Variants in OMA1 observed in about 807,000 individuals in gnomAD.
OMA1 encodes OMA1 zinc metallopeptidase, also known as metalloendopeptidase OMA1, mitochondrial.
Under a neutral mutation model 30.9 loss-of-function variants are expected in OMA1, and 38 were observed. The ratio of observed to expected loss-of-function variants is 1.23; its 90% CI spans 0.95 to 1.61. OMA1 has a LOEUF of 1.61. OMA1 is among the 40% of genes most tolerant of loss of function. The probability of loss-of-function intolerance (pLI) is 0.00; values close to 1 mark genes in which losing one functional copy is unlikely to be tolerated. For missense variants in OMA1, 461 were observed against 349.2 expected, an observed-to-expected ratio of 1.32 and a Z score of -2.55; for synonymous variants, 173 against 121.9, an observed-to-expected ratio of 1.42 and a Z score of -2.76.
chr1:58,510,430 C>T (rs747316249), intron 7 of OMA1, among the ~76,000 whole-genome samples: 44 of 152,006 alleles, frequency 2.9e-4, no homozygotes, highest in Non-Finnish European at 3.8e-4. Flanking sequence ...AACATCCTTT[C>T]ATAATAAAAA....
At chr1:58,513,561 A>C (rs1185187079) in intron 7 of OMA1, among the ~76,000 whole-genome samples, 1 of 152,230 alleles carries the variant, frequency 6.6e-6, no homozygotes, top group Non-Finnish European at 1.5e-5. Context: ...TGGCCAGAGA[A>C]ACATAAGAAA....
chr1:58,536,608 T>C lies in OMA1; in HGVS notation c.634A>G (p.Thr212Ala). The part of the protein sequence containing the change: ...FGLLFVVFYF[T>A]HLEVSPITGR... ...GTGATTGGACTTACTTCCAGGTGAG[T>C]AAAATAAAACACCACAAAGAGCAAT... The change falls in exon 3 of 9, where the codon ACT (threonine) becomes GCT (alanine). Residue 212 changes from threonine to alanine, a missense_variant. Coordinates refer to ENST00000371226, the MANE Select transcript of OMA1 (RefSeq NM_145243.5). 1.1e-6 allele frequency: 1 copy of C among 872,790 alleles called. No homozygotes were observed. 54.1% of individuals were successfully genotyped at this position (872,790 alleles called of 1,614,324 possible). A position where few individuals can be genotyped will look rare whatever the true frequency, so the allele number is the denominator to read the frequency against.
intron 7 of OMA1, among the ~76,000 whole-genome samples, chr1:58,513,343 T>C (rs981603321): frequency 6.6e-6 from 1 of 152,184 alleles, no homozygotes; most frequent in Non-Finnish European, 1.5e-5. Flanking sequence ...TTAAACCTCT[T>C]TCCTTTATAA....
chr1:58,492,889 A>T (rs936716913), intron 8 of OMA1, among the ~76,000 whole-genome samples: 3 of 152,344 alleles, frequency 2.0e-5, no homozygotes, highest in African/African-American at 7.2e-5. Context: ...CAACAGAAAA[A>T]GAGAGAATCC....
At chr1:58,531,693 T>C (rs966499981) in intron 5 of OMA1, among the ~76,000 whole-genome samples, 2 of 140,490 alleles carry the variant, frequency 1.4e-5, no homozygotes, top group African/African-American at 2.6e-5. Flanking sequence ...AATGTGTGTT[T>C]TGAAAAACAA....
chr1:58,490,979 T>C (rs1244183344), intron 8 of OMA1, among the ~76,000 whole-genome samples: 7 of 151,708 alleles, frequency 4.6e-5, no homozygotes, highest in African/African-American at 1.5e-4. Context: ...CTAAATTTTT[T>C]TGTATTTTTA....
chr1:58,544,074 A>G (rs977423403), intron 1 of OMA1, among the ~76,000 whole-genome samples: 1 of 152,220 alleles, frequency 6.6e-6, no homozygotes, highest in East Asian at 1.9e-4. Flanking sequence ...CATCTAAAGG[A>G]GGTGCAAACA....
At chr1:58,507,549 T>C (rs1041500272) in intron 7 of OMA1, among the ~76,000 whole-genome samples, 3 of 152,034 alleles carry the variant, frequency 2.0e-5, no homozygotes, top group Non-Finnish European at 4.4e-5. Flanking sequence ...TTCAAGGTAC[T>C]TTATACACTA....
intron 2 of OMA1, among the ~76,000 whole-genome samples, chr1:58,537,895 A>T (rs1368433703): frequency 1.3e-5 from 2 of 152,240 alleles, no homozygotes; most frequent in Admixed American, 1.3e-4. Flanking sequence ...CAAAAACAAG[A>T]AAGTTACAAA....
At chr1:58,528,534 T>C (rs1646385702) in intron 6 of OMA1, among the ~76,000 whole-genome samples, 1 of 152,200 alleles carries the variant, frequency 6.6e-6, no homozygotes, top group Non-Finnish European at 1.5e-5. Context: ...TGTTTGGAAA[T>C]ATTTATTACT....
At position 58,534,000 on chromosome 1, in the gene OMA1, A is replaced by C. The variant is rs1557457072; in HGVS notation, c.964T>G (p.Ser322Ala). 2.3e-6 allele frequency: 2 copies of C among 871,876 alleles called. No individual in the cohort carries two copies. 54.0% of individuals were successfully genotyped at this position (871,876 alleles called of 1,614,324 possible). The change falls in exon 5 of 9, where the codon TCT (serine) becomes GCT (alanine). Residue 322 changes from serine (S) to alanine (A), a missense_variant. Transcript: ENST00000371226. ...GCTATTTCATGGCCCAGAAGGAAAG[A>C]AAGTTGATGAATATCGGTTACACTA... is the stretch of plus-strand genomic sequence containing the variant. ...LNSVTDIHQL[S>A]FLLGHEIAHA...
At chr1:58,512,945 G>A (rs1238031454) in intron 7 of OMA1, among the ~76,000 whole-genome samples, 1 of 152,004 alleles carries the variant, frequency 6.6e-6, no homozygotes, top group South Asian at 2.1e-4. Context: ...CAAAATAAAG[G>A]CATTTTTAAA....
intron 1 of OMA1, chr1:58,542,398 G>A (rs1418308130): frequency 6.6e-6 from 1 of 152,198 alleles, no homozygotes; most frequent in Non-Finnish European, 1.5e-5. Context: ...CTCTCATGGA[G>A]GTTATAATCT....
rs558587012 is a variant in OMA1 at position 58,485,653 on chromosome 1, T to G, written c.1366-4479A>C. On this transcript the variant is annotated intron_variant, in intron 8 of 8. Coordinates refer to ENST00000371226, the MANE Select transcript of OMA1 (RefSeq NM_145243.5). ...CATTTTATATATTTCAGGGCGCCAA[T>G]GTCTTTTTATTTTTATAAATTCTAA... is the stretch of plus-strand genomic sequence containing the variant. Among the ~76,000 whole-genome samples the G allele has an allele frequency of 2.6e-5, 4 of 152,236 alleles. No homozygotes were observed. In the East Asian group the frequency reaches 7.7e-4, roughly 29 times the overall value.
rs776655934 is a variant in OMA1 at position 58,538,946 on chromosome 1, G to C, written c.349C>G (p.Pro117Ala). 1.1e-6 allele frequency: 1 copy of C among 872,804 alleles called. No individual in the cohort carries two copies. Among genetic ancestry groups the C allele is most frequent in the South Asian group, 1.3e-5 (1 of 76,524 alleles). 54.1% of individuals were successfully genotyped at this position (872,804 alleles called of 1,614,324 possible). Residue 117 changes from proline to alanine, a missense_variant, in exon 2 of 9, where the codon CCT becomes GCT. By Grantham distance (27) the Pro-to-Ala change is conservative. Transcript: ENST00000371226. ...QLLIKEVTAV[P>A]SLSVLHPLSP... ...AGAGGATGCAATACTGACAGACTAG[G>C]GACTGCTGTAACTTCTTTTATTAGC...
At chr1:58,518,352 A>G (rs1004441526) in intron 7 of OMA1, among the ~76,000 whole-genome samples, 2 of 49,640 alleles carry the variant, frequency 4.0e-5, no homozygotes, top group Non-Finnish European at 1.0e-4. Flanking sequence ...AGAGAAGAGA[A>G]GGGAAGGGAA....
intron 7 of OMA1, among the ~76,000 whole-genome samples, chr1:58,518,368 G>A (rs970929805): frequency 1.4e-5 from 2 of 147,480 alleles, no homozygotes; most frequent in African/African-American, 5.1e-5. Flanking sequence ...GGGAAGAGAA[G>A]AGAAGGGAAG....
intron 7 of OMA1, among the ~76,000 whole-genome samples, chr1:58,521,717 T>C (rs976670861): frequency 6.6e-6 from 1 of 151,932 alleles, no homozygotes; most frequent in Non-Finnish European, 1.5e-5. Context: ...AAACAAGAAA[T>C]AGAAAAATCT....
intron 7 of OMA1, among the ~76,000 whole-genome samples, chr1:58,517,586 C>T (rs1240696237): frequency 2.0e-5 from 3 of 152,150 alleles, no homozygotes; most frequent in Non-Finnish European, 4.4e-5. Flanking sequence ...ATGAATGTTT[C>T]CTGTATCTCC....
Sources: allele counts gnomAD v4.1 joint callset (sites outside exome capture counted in the v4.1 genomes callset), GRCh38; gene constraint gnomAD v4.1.1; transcripts MANE v1.5; gene names NCBI Gene and HGNC (gene_info 2026-07-23, HGNC 2026-07-21).